Variants in CRTC3 observed in about 807,000 individuals in gnomAD.
CRTC3 encodes CREB regulated transcription coactivator 3.
In CRTC3, 26 loss-of-function variants were observed where a neutral mutation model predicts 74.5. The observed-to-expected ratio is 0.35, with a 90% CI of 0.26 to 0.48. The LOEUF (loss-of-function observed/expected upper bound fraction) is 0.48, where lower values mean the gene tolerates loss of function less well. Ranked by LOEUF, CRTC3 falls within the 20% of genes least tolerant of loss-of-function variation. The pLI, the probability that CRTC3 is intolerant of heterozygous loss-of-function variation, is 0.99. For missense variants in CRTC3, 760 were observed against 787.3 expected (o/e 0.97, Z 0.41); for synonymous variants, 377 against 325.8 (o/e 1.16, Z -1.69).
chr15:90,593,588 T>C (rs1238453223), intron 2 of CRTC3, 48 bp from the exon 3 acceptor site: 1 of 1,578,182 alleles, frequency 6.3e-7, no homozygotes, highest in Non-Finnish European at 8.7e-7. Context: ...TGAGGGTGAG[T>C]GTCAATTTCA....
chr15:90,627,139 G>C (rs1968865518), intron 10 of CRTC3, among the ~76,000 whole-genome samples: 1 of 152,222 alleles, frequency 6.6e-6, no homozygotes, highest in East Asian at 1.9e-4. Flanking sequence ...CCTTCAGGGG[G>C]GGTCACCTGG....
intron 2 of CRTC3, among the ~76,000 whole-genome samples, chr15:90,547,316 T>A (rs1304761100): frequency 2.0e-5 from 3 of 152,186 alleles, no homozygotes; most frequent in Non-Finnish European, 4.4e-5. Context: ...ACTATAGATA[T>A]CTTGAACTTG....
chr15:90,634,757 A>ACTCT, intron 11 of CRTC3: 1 of 1,041,040 alleles, frequency 9.6e-7, no homozygotes, highest in South Asian at 1.3e-5. Flanking sequence ...AGTTTTTTCC[A>ACTCT]CTCTCTGACT....
At chr15:90,636,215 A>C (rs1456936794) in intron 11 of CRTC3, among the ~76,000 whole-genome samples, 1 of 152,054 alleles carries the variant, frequency 6.6e-6, no homozygotes, top group Non-Finnish European at 1.5e-5. Flanking sequence ...AGAGATATAG[A>C]CCAATGGAAC....
intron 2 of CRTC3, among the ~76,000 whole-genome samples, chr15:90,575,554 A>G (rs1567171055): frequency 6.6e-6 from 1 of 152,182 alleles, no homozygotes; most frequent in Non-Finnish European, 1.5e-5. Flanking sequence ...TAGTTGTCTC[A>G]ACACTATTTA....
chr15:90,542,086 C>T (rs1488819140), intron 2 of CRTC3, among the ~76,000 whole-genome samples: 12 of 151,712 alleles, frequency 7.9e-5, no homozygotes, highest in Admixed American at 2.0e-4. Flanking sequence ...GCGTAGCCCC[C>T]AGGATTCTTT....
intron 2 of CRTC3, among the ~76,000 whole-genome samples, chr15:90,563,391 G>A (rs1056041189): frequency 3.3e-5 from 5 of 152,006 alleles, no homozygotes; most frequent in Non-Finnish European, 7.4e-5. Flanking sequence ...GGGCAACAGA[G>A]TGAGACTCTG....
At position 90,642,791 on chromosome 15, in the gene CRTC3, C is replaced by A; in HGVS notation, c.*651C>A. 4.3e-6 allele frequency: 1 copy of A among 232,520 alleles called. No individual in the cohort carries two copies. The allele number at this position is 232,520 out of a possible 1,614,324, so 14.4% of individuals were successfully genotyped here. On this transcript the variant is annotated 3_prime_UTR_variant, in exon 15 of 15. Coordinates refer to ENST00000268184, the MANE Select transcript of CRTC3 (RefSeq NM_022769.5). The stretch of plus-strand genomic sequence containing the variant: ...TTTCTGCTGCTTCAGAAAAGTACAC[C>A]TTTTCCTTATGGACCAGAGGAAGAG...
intron 2 of CRTC3, among the ~76,000 whole-genome samples, chr15:90,552,291 A>C (rs758716044): frequency 1.3e-5 from 2 of 152,210 alleles, no homozygotes; most frequent in Non-Finnish European, 2.9e-5. Flanking sequence ...TCGGTGAAGA[A>C]GGCTGCTCTG....
intron 2 of CRTC3, among the ~76,000 whole-genome samples, chr15:90,583,989 A>G (rs1201734629): frequency 6.6e-6 from 1 of 152,052 alleles, no homozygotes; most frequent in South Asian, 2.1e-4. Context: ...TTTGTTGTGG[A>G]CAGGCCTTCA....
chr15:90,551,613 C>T (rs1006614926), intron 2 of CRTC3, among the ~76,000 whole-genome samples: 2 of 152,034 alleles, frequency 1.3e-5, no homozygotes, highest in African/African-American at 4.8e-5. Flanking sequence ...AGTTTCAGCA[C>T]CGGATTAAGT....
chr15:90,630,066 T>C (rs929275796), intron 11 of CRTC3, among the ~76,000 whole-genome samples: 2 of 152,224 alleles, frequency 1.3e-5, no homozygotes, highest in Non-Finnish European at 2.9e-5. Context: ...ATTTGCTGTG[T>C]TGATTACTCT....
intron 2 of CRTC3, among the ~76,000 whole-genome samples, chr15:90,573,187 A>C (rs948305168): frequency 6.6e-6 from 1 of 152,242 alleles, no homozygotes. Flanking sequence ...TTCACTTAGC[A>C]TAATGGGTAG....
At chr15:90,574,588 G>T (rs926203750) in intron 2 of CRTC3, among the ~76,000 whole-genome samples, 11 of 152,090 alleles carry the variant, frequency 7.2e-5, no homozygotes, top group African/African-American at 2.7e-4. Flanking sequence ...GAAGTTGCTG[G>T]GGCACAAGCA....
At position 90,638,397 on chromosome 15, in the gene CRTC3, C is replaced by T. The variant is rs145875905; in HGVS notation, c.1267-49C>T. On this transcript the variant is annotated intron_variant, in intron 11 of 14. Coordinates refer to ENST00000268184, the MANE Select transcript of CRTC3 (RefSeq NM_022769.5). ...CATTTCCTAATCCTAAAGGACTTAACGCCAGAAACGCAGAAGCTCATTAGT... is the reference window on the plus strand; with the variant it reads ...CATTTCCTAATCCTAAAGGACTTAATGCCAGAAACGCAGAAGCTCATTAGT... 2.9e-4 allele frequency: 441 copies of T among 1,517,910 alleles called. 2 individuals are homozygous for T. The East Asian group carries it at 8.7e-3, about 30-fold the overall frequency. The allele number at this position is 1,517,910 out of a possible 1,614,324, so 94.0% of individuals were successfully genotyped here.
chr15:90,592,010 A>G (rs191802884), intron 2 of CRTC3, among the ~76,000 whole-genome samples: 37 of 152,282 alleles, frequency 2.4e-4, no homozygotes, highest in African/African-American at 8.9e-4. Flanking sequence ...GTGAGTTTAT[A>G]GATTTGGATT....
chr15:90,542,918 G>T (rs1438850475), intron 2 of CRTC3, among the ~76,000 whole-genome samples: 5 of 152,146 alleles, frequency 3.3e-5, no homozygotes, highest in South Asian at 2.1e-4. Flanking sequence ...CAGGAATAAC[G>T]TAGAAGAAGT....
At chr15:90,605,095 T>G (rs1036330036) in intron 5 of CRTC3, among the ~76,000 whole-genome samples, 1 of 150,298 alleles carries the variant, frequency 6.7e-6, no homozygotes, top group Non-Finnish European at 1.5e-5. Flanking sequence ...ACCCTGTCTC[T>G]ATGAAAAAAA....
chr15:90,597,704 A>G (rs111363862), intron 3 of CRTC3: 1 of 152,172 alleles, frequency 6.6e-6, no homozygotes, highest in Non-Finnish European at 1.5e-5. Context: ...ACAAAATCCA[A>G]CTGTTACCTA....
Sources: gnomAD v4.1 joint callset for allele counts (sites outside exome capture counted in the v4.1 genomes callset) on GRCh38, gnomAD v4.1.1 for gene constraint, MANE v1.5 for transcripts, NCBI Gene and HGNC (gene_info 2026-07-23, HGNC 2026-07-21) for gene names.